Variants in CYP7B1 observed in about 807,000 individuals in gnomAD.
CYP7B1 encodes the protein cytochrome P450 family 7 subfamily B member 1, also known as cytochrome P450 7B1.
Under a neutral mutation model 42.7 loss-of-function variants are expected in CYP7B1, and 29 were observed. The ratio of observed to expected loss-of-function variants is 0.68; its 90% confidence interval spans 0.51 to 0.93. The LOEUF is 0.93. Among genes scored for constraint, CYP7B1 ranks in the 40% least tolerant of loss-of-function variants. The pLI is 0.00. For missense variants in CYP7B1, 655 were observed against 600.5 expected, an observed-to-expected ratio of 1.09 and a Z score of -0.95; for synonymous variants, 235 against 218.2, an observed-to-expected ratio of 1.08 and a Z score of -0.68.
intron 1 of CYP7B1, among the ~76,000 whole-genome samples, chr8:64,740,686 T>A (rs1440199946): frequency 6.6e-6 from 1 of 151,722 alleles, no homozygotes; most frequent in Non-Finnish European, 1.5e-5. Context: ...ATAGATCCAA[T>A]GAATGTTAAA....
At chr8:64,705,637 C>T (rs1011229640) in intron 1 of CYP7B1, among the ~76,000 whole-genome samples, 44 of 151,752 alleles carry the variant, frequency 2.9e-4, no homozygotes, top group African/African-American at 1.1e-3. Context: ...GACGGTTTTG[C>T]AGTTAAGGTA....
downstream of CYP7B1, among the ~76,000 whole-genome samples, chr8:64,589,157 C>G (rs762683827): frequency 6.6e-5 from 10 of 152,124 alleles, no homozygotes; most frequent in Middle Eastern, 3.2e-3. Flanking sequence ...TCAAACTATC[C>G]CTGCTCCTCT....
At chr8:64,589,430 G>T (rs1240499149), downstream of CYP7B1, among the ~76,000 whole-genome samples, 1 of 152,148 alleles carries the variant, frequency 6.6e-6, no homozygotes, top group Non-Finnish European at 1.5e-5. Flanking sequence ...ACTACCACAT[G>T]TATAGTTTTT....
chr8:64,748,150 T>G (rs1807672561), intron 1 of CYP7B1, among the ~76,000 whole-genome samples: 1 of 152,168 alleles, frequency 6.6e-6, no homozygotes, highest in South Asian at 2.1e-4. Context: ...GAAAGATCAG[T>G]TCATCCACTA....
At chr8:64,631,349 TC>T (rs750234934) in intron 1 of CYP7B1, among the ~76,000 whole-genome samples, 1 of 152,082 alleles carries the variant, frequency 6.6e-6, no homozygotes, top group Non-Finnish European at 1.5e-5. Context: ...TCTGCTCATA[TC>T]AATAAAGAAA....
intron 1 of CYP7B1, among the ~76,000 whole-genome samples, chr8:64,751,535 TA>T (rs1807725280): frequency 1.3e-5 from 2 of 152,196 alleles, no homozygotes; most frequent in Non-Finnish European, 2.9e-5. Flanking sequence ...AGCATTCATA[TA>T]AGGATGCAAT....
chr8:64,773,385 G>A (rs1190222148), intron 1 of CYP7B1, among the ~76,000 whole-genome samples: 3 of 152,138 alleles, frequency 2.0e-5, no homozygotes, highest in Non-Finnish European at 4.4e-5. Context: ...CTTCAGGATC[G>A]CAGATAAATG....
chr8:64,671,070 T>C (rs79789498), intron 1 of CYP7B1, among the ~76,000 whole-genome samples: 1 of 152,138 alleles, frequency 6.6e-6, no homozygotes, highest in Non-Finnish European at 1.5e-5. Flanking sequence ...CTATATTCAA[T>C]TTATGTAAAT....
At chr8:64,798,178 C>A (rs1804735494) in intron 1 of CYP7B1, among the ~76,000 whole-genome samples, 2 of 152,368 alleles carry the variant, frequency 1.3e-5, no homozygotes, top group Non-Finnish European at 1.5e-5. Flanking sequence ...GCAAGGCACA[C>A]AATGTGTCTG....
chr8:64,753,156 A>C (rs959974765), intron 1 of CYP7B1, among the ~76,000 whole-genome samples: 1 of 152,182 alleles, frequency 6.6e-6, no homozygotes, highest in African/African-American at 2.4e-5. Context: ...AATGGTTAAC[A>C]CTCTTTTAAA....
chr8:64,649,490 G>A (rs1294589538), intron 1 of CYP7B1, among the ~76,000 whole-genome samples: 2 of 152,152 alleles, frequency 1.3e-5, no homozygotes, highest in African/African-American at 4.8e-5. Context: ...TCCACCTCTT[G>A]GCTATTGTGA....
At chr8:64,642,914 G>T (rs1405368148) in intron 1 of CYP7B1, among the ~76,000 whole-genome samples, 3 of 151,578 alleles carry the variant, frequency 2.0e-5, no homozygotes, top group Non-Finnish European at 2.9e-5. Flanking sequence ...TAAATCATTT[G>T]GACATATGTC....
At chr8:64,601,618 T>C (rs1367053280) in intron 5 of CYP7B1, among the ~76,000 whole-genome samples, 3 of 152,230 alleles carry the variant, frequency 2.0e-5, no homozygotes, top group Non-Finnish European at 4.4e-5. Flanking sequence ...ATTCTTAATA[T>C]AGAGGTTGCA....
intron 1 of CYP7B1, among the ~76,000 whole-genome samples, chr8:64,789,308 C>T (rs900605001): frequency 3.3e-5 from 5 of 152,132 alleles, no homozygotes; most frequent in Admixed American, 1.3e-4. Context: ...TGATTCATAA[C>T]CATACATCTC....
At chr8:64,745,936 G>A (rs1807637607) in intron 1 of CYP7B1, among the ~76,000 whole-genome samples, 2 of 152,066 alleles carry the variant, frequency 1.3e-5, no homozygotes, top group Admixed American at 1.3e-4. Context: ...CCCTGACAAC[G>A]TCCAGAAAAA....
At chr8:64,693,785 C>T (rs1806784020) in intron 1 of CYP7B1, among the ~76,000 whole-genome samples, 1 of 152,126 alleles carries the variant, frequency 6.6e-6, no homozygotes, top group Admixed American at 6.5e-5. Context: ...GTGTGTGTAA[C>T]TTGTTTGCTG....
intron 1 of CYP7B1, among the ~76,000 whole-genome samples, chr8:64,653,953 T>A (rs1280969736): frequency 6.6e-6 from 1 of 151,972 alleles, no homozygotes; most frequent in African/African-American, 2.4e-5. Context: ...ATATTAAAAG[T>A]AAACTAAATA....
chr8:64,645,889 C>T (rs375397179), intron 1 of CYP7B1, among the ~76,000 whole-genome samples: 26 of 152,140 alleles, frequency 1.7e-4, no homozygotes, highest in Admixed American at 8.5e-4. Flanking sequence ...TCAGAAATAA[C>T]GCTGCATATC....
At chr8:64,675,753 A>T (rs1806436763) in intron 1 of CYP7B1, among the ~76,000 whole-genome samples, 1 of 152,148 alleles carries the variant, frequency 6.6e-6, no homozygotes, top group Admixed American at 6.6e-5. Flanking sequence ...GTTGTTTCTT[A>T]GAGGATGCAC....
Sources: gnomAD v4.1 joint callset for allele counts (sites outside exome capture counted in the v4.1 genomes callset) on GRCh38, gnomAD v4.1.1 for gene constraint, MANE v1.5 for transcripts, NCBI Gene and HGNC (gene_info 2026-07-23, HGNC 2026-07-21) for gene names.